PTPRQ: variants seen among roughly 807,000 people sequenced by gnomAD.
The protein encoded by PTPRQ is protein tyrosine phosphatase receptor type Q.
Under a neutral mutation model 246.0 loss-of-function variants are expected in PTPRQ, and 199 were observed. That is an observed-to-expected ratio of 0.81 (90% CI 0.72 to 0.91). PTPRQ has a LOEUF of 0.91. Ranked by LOEUF, PTPRQ falls within the 40% of genes least tolerant of loss-of-function variation. The pLI is 0.00. For synonymous variants in PTPRQ, 869 were observed against 853.2 expected (o/e 1.02, Z -0.32); for missense variants, 2,624 against 2,528.4 (o/e 1.04, Z -0.81).
chr12:80,621,967 TTAAA>T lies in PTPRQ; in HGVS notation c.5613-87_5613-84del, dbSNP rs1453266980. The T allele has an allele frequency of 1.3e-4, 115 of 879,674 alleles. 2 individuals are homozygous for T. Among genetic ancestry groups the T allele is most frequent in the South Asian group, 1.2e-3 (47 of 38,480 alleles). The allele number at this position is 879,674 out of a possible 1,614,324, so 54.5% of individuals were successfully genotyped here. A position where few individuals can be genotyped will look rare whatever the true frequency, so the allele number is the denominator to read the frequency against. ...TCTTGTAAATTCATTTTCTTTTGAA[TTAAA>T]TAAATAGTTTTTATAATTACTTCTT... is the stretch of plus-strand genomic sequence containing the variant. On this transcript the variant is annotated intron_variant, in intron 32 of 44. Transcript: ENST00000644991.
chr12:80,511,999 G>A (rs1895139748), intron 17 of PTPRQ, among the ~76,000 whole-genome samples: 1 of 152,184 alleles, frequency 6.6e-6, no homozygotes, highest in South Asian at 2.1e-4. Flanking sequence ...AGTAGTCTGG[G>A]AAAGAGATGG....
rs183969157 is a variant in PTPRQ at position 80,467,191 on chromosome 12, G to A, written c.911-1519G>A. 5.5e-3 allele frequency among the ~76,000 whole-genome samples: 840 copies of A among 152,204 alleles called. 8 individuals are homozygous for A. The highest frequency in any genetic ancestry group is 0.02 in the African/African-American group (818 of 41,542). On this transcript the variant is annotated intron_variant, in intron 6 of 44. Transcript: ENST00000644991. ...AGCAAAGAACCCCATCAAAAAGTGG[G>A]CGAAGGACATGAACAGACACTTCTC...
chr12:80,467,095 C>T (rs1353366151), intron 6 of PTPRQ, among the ~76,000 whole-genome samples: 4 of 152,134 alleles, frequency 2.6e-5, no homozygotes, highest in Non-Finnish European at 5.9e-5. Context: ...AGAAAATTTT[C>T]ACAACCTACT....
intron 17 of PTPRQ, among the ~76,000 whole-genome samples, chr12:80,517,434 G>A (rs572551871): frequency 3.4e-4 from 51 of 152,048 alleles, no homozygotes; most frequent in African/African-American, 1.1e-3. Flanking sequence ...TGATACAAGC[G>A]TGTAACAAGT....
chr12:80,553,039 A>C (rs533104289), intron 25 of PTPRQ, among the ~76,000 whole-genome samples: 1 of 152,128 alleles, frequency 6.6e-6, no homozygotes, highest in East Asian at 1.9e-4. Flanking sequence ...TTATTTACTC[A>C]CAGTTCTAAC....
At chr12:80,520,519 C>T (rs1289212196) in intron 17 of PTPRQ, among the ~76,000 whole-genome samples, 2 of 117,948 alleles carry the variant, frequency 1.7e-5, no homozygotes, top group Non-Finnish European at 3.4e-5. Context: ...CCTCCCCCCA[C>T]CCCACAACAG....
At position 80,549,509 on chromosome 12, in the gene PTPRQ, C is replaced by A. The variant is rs1352853225; in HGVS notation, c.4060C>A (p.Gln1354Lys). Reference sequence around the variant, plus strand: ...TATGCAGTGCATGGCAACTAGCTGGCAGTCAGTTTTAGTGAAATGGGATCC... The same window carrying A: ...TATGCAGTGCATGGCAACTAGCTGGAAGTCAGTTTTAGTGAAATGGGATCC... Reference protein sequence around the residue: ...QNMQCMATSWQSVLVKWDPPK... With the variant: ...QNMQCMATSWKSVLVKWDPPK... Residue 1354 changes from glutamine (Q) to lysine (K), a missense_variant, in exon 25 of 45, where the codon CAG becomes AAG. Physicochemically the swap from Gln to Lys is moderately conservative, Grantham distance 53 (BLOSUM62 1). Transcript: ENST00000644991. 1 of 1,550,886 alleles carries A rather than the reference C, an allele frequency of 6.4e-7. No homozygotes were observed. The highest frequency in any genetic ancestry group is 1.2e-5 in the South Asian group (1 of 84,012).
At chr12:80,667,232 AT>A (rs1224727541) in intron 39 of PTPRQ, among the ~76,000 whole-genome samples, 1 of 151,720 alleles carries the variant, frequency 6.6e-6, no homozygotes, top group African/African-American at 2.4e-5. Flanking sequence ...TCTACCCACA[AT>A]TCTTTTCCCC....
In PTPRQ at chr12:80,493,471, A is replaced by AT; in HGVS notation, c.1540+20dup. ...TCACCAGTTGGTAGGTAGAATTTTGATTTTCTATAAAGTTCATTTAAACCA... is the reference window on the plus strand; with the variant it reads ...TCACCAGTTGGTAGGTAGAATTTTGATTTTTCTATAAAGTTCATTTAAACCA... On this transcript the variant is annotated intron_variant, in intron 10 of 44. Transcript: ENST00000644991. 6.5e-7 allele frequency: 1 copy of AT among 1,543,972 alleles called. No individual in the cohort carries two copies. Among genetic ancestry groups the AT allele is most frequent in the African/African-American group, 1.4e-5 (1 of 72,744 alleles).
At position 80,652,494 on chromosome 12, in the gene PTPRQ, G is replaced by C. The variant is rs140817339; in HGVS notation, c.6025-250G>C. On this transcript the variant is annotated intron_variant, in intron 37 of 44. Coordinates refer to ENST00000644991, the MANE Select transcript of PTPRQ (RefSeq NM_001145026.2). ...CACTAACATGGTTGCCACATCTTAA[G>C]GCTTCCCAAAGTGCAAAGAAATTAT... Among the ~76,000 whole-genome samples, 1,976 of 152,042 alleles carry C rather than the reference G, an allele frequency of 0.013. 36 individuals are homozygous for C. Among genetic ancestry groups the C allele is most frequent in the Non-Finnish European group, 0.014 (941 of 67,936 alleles).
At chr12:80,537,802 T>A (rs1329959616) in intron 19 of PTPRQ, among the ~76,000 whole-genome samples, 1 of 152,176 alleles carries the variant, frequency 6.6e-6, no homozygotes, top group Non-Finnish European at 1.5e-5. Context: ...TGGCATAATG[T>A]CTTCTATTTT....
rs117961378 is a variant in PTPRQ at position 80,565,910 on chromosome 12, C to T, written c.4285+16176C>T. Among the ~76,000 whole-genome samples, 1,441 of 152,116 alleles carry T rather than the reference C, an allele frequency of 9.5e-3. 18 individuals carry two copies. Among genetic ancestry groups the T allele is most frequent in the Middle Eastern group, 0.034 (10 of 294 alleles). ...GGAGCTATTTTATAAATGTAAGACA[C>T]GCATAAGTTGCAGCCACTATGAGAT... On this transcript the variant is annotated intron_variant, in intron 25 of 44. Transcript: ENST00000644991.
chr12:80,551,132 C>T (rs1373269107), intron 25 of PTPRQ, among the ~76,000 whole-genome samples: 1 of 152,112 alleles, frequency 6.6e-6, no homozygotes, highest in Non-Finnish European at 1.5e-5. Flanking sequence ...CACATTCACC[C>T]AAATTGTTGA....
At chr12:80,518,338 T>C (rs1895368483) in intron 17 of PTPRQ, among the ~76,000 whole-genome samples, 1 of 152,214 alleles carries the variant, frequency 6.6e-6, no homozygotes, top group Non-Finnish European at 1.5e-5. Context: ...TTGTTAGTTC[T>C]TTTTCCTGTA....
At chr12:80,546,745 C>T in intron 24 of PTPRQ, 48 bp downstream of exon 24, 1 of 1,520,548 alleles carries the variant, frequency 6.6e-7, no homozygotes, top group Non-Finnish European at 8.8e-7. Flanking sequence ...ATATTTAACA[C>T]CTTTCTTTTC....
In PTPRQ at chr12:80,472,220, G is replaced by A. The variant is rs1355965980; in HGVS notation, c.1155G>A (p.Lys385=). The change falls in exon 8 of 45, where the codon AAG becomes AAA. Residue 385 remains lysine (K), a synonymous_variant. Transcript: ENST00000644991. The part of the protein sequence containing the change: ...AAETSAGTGP[K]SNISVFTPPD... ...AAACCAGTGCAGGGACTGGGCCCAA[G>A]TCAAATATTTCAGTATTCACTCCAC... The A allele has an allele frequency of 1.2e-5, 18 of 1,551,332 alleles. No individual in the cohort carries two copies. In the Admixed American group the frequency reaches 3.5e-4, roughly 30 times the overall value.
At chr12:80,477,652 G>A (rs192845697) in intron 8 of PTPRQ, among the ~76,000 whole-genome samples, 184 of 152,284 alleles carry the variant, frequency 1.2e-3, no homozygotes, top group African/African-American at 3.8e-3. Context: ...GACAGTGGGC[G>A]CAGGTCAGTG....
At chr12:80,607,949 T>C (rs1188203824) in intron 27 of PTPRQ, among the ~76,000 whole-genome samples, 1 of 150,846 alleles carries the variant, frequency 6.6e-6, no homozygotes, top group East Asian at 1.9e-4. Context: ...TGGTACACAC[T>C]GGAATAGAAA....
intron 28 of PTPRQ, among the ~76,000 whole-genome samples, chr12:80,611,361 A>G (rs1898544118): frequency 6.6e-6 from 1 of 150,412 alleles, no homozygotes; most frequent in Non-Finnish European, 1.5e-5. Flanking sequence ...GCTATCTGTA[A>G]GGTAAGTATA....
Sources: gnomAD v4.1 joint callset for allele counts (sites outside exome capture counted in the v4.1 genomes callset) on GRCh38, gnomAD v4.1.1 for gene constraint, MANE v1.5 for transcripts, NCBI Gene and HGNC (gene_info 2026-07-23, HGNC 2026-07-21) for gene names.